The following AK5 variants were observed in gnomAD, a reference collection of about 807,000 sequenced individuals.
The protein encoded by AK5 is adenylate kinase 5.
A neutral mutation model predicts 69.5 loss-of-function variants in AK5; 27 were observed. That is an observed-to-expected ratio of 0.39 (90% CI 0.29 to 0.54). The LOEUF is 0.54. Ranked by LOEUF, AK5 falls within the 20% of genes least tolerant of loss-of-function variation. The pLI is 0.71. For synonymous variants in AK5, 260 were observed against 244.4 expected (o/e 1.06, Z -0.60); for missense variants, 531 against 700.4 (o/e 0.76, Z 2.73).
At chr1:77,558,497 A>T in intron 13 of AK5, 105 bp from the exon 14 acceptor site, 1 of 665,832 alleles carries the variant, frequency 1.5e-6, no homozygotes. Flanking sequence ...CTTGTGTTTT[A>T]AAATTTTGCA....
chr1:77,395,945 C>A (rs1648802563), intron 6 of AK5, among the ~76,000 whole-genome samples: 1 of 152,174 alleles, frequency 6.6e-6, no homozygotes, highest in Admixed American at 6.5e-5. Flanking sequence ...TCTATCAATA[C>A]CATTCTTACT....
At chr1:77,300,219 C>A (rs1048340538) in intron 5 of AK5, among the ~76,000 whole-genome samples, 4 of 152,184 alleles carry the variant, frequency 2.6e-5, no homozygotes, top group African/African-American at 9.7e-5. Context: ...TCTTATATAG[C>A]CTAGTCACGG....
intron 5 of AK5, among the ~76,000 whole-genome samples, chr1:77,324,020 G>C (rs1237415159): frequency 6.6e-6 from 1 of 152,202 alleles, no homozygotes; most frequent in Non-Finnish European, 1.5e-5. Flanking sequence ...AGCTGCTGCT[G>C]CTGCTGCAGC....
chr1:77,481,515 C>T (rs1208771663), intron 8 of AK5, among the ~76,000 whole-genome samples: 2 of 152,172 alleles, frequency 1.3e-5, no homozygotes, highest in African/African-American at 4.8e-5. Context: ...AGAAGATGAG[C>T]AGTAAAATTT....
At chr1:77,477,441 TCTG>T (rs1405944116) in intron 8 of AK5, among the ~76,000 whole-genome samples, 2 of 152,272 alleles carry the variant, frequency 1.3e-5, no homozygotes, top group Non-Finnish European at 2.9e-5. Context: ...TCCCCACCAC[TCTG>T]CTATTACTTC....
intron 8 of AK5, among the ~76,000 whole-genome samples, chr1:77,473,560 A>G (rs943561369): frequency 1.3e-5 from 2 of 152,292 alleles, no homozygotes; most frequent in East Asian, 3.9e-4. Context: ...CTAATTGCCT[A>G]TGCACTGATA....
At chr1:77,481,067 T>C (rs927148946) in intron 8 of AK5, among the ~76,000 whole-genome samples, 2 of 152,180 alleles carry the variant, frequency 1.3e-5, no homozygotes, top group African/African-American at 2.4e-5. Flanking sequence ...AGCCAGACTG[T>C]AGTGGGCCCT....
At chr1:77,555,010 G>A (rs1660028205) in intron 13 of AK5, among the ~76,000 whole-genome samples, 1 of 152,044 alleles carries the variant, frequency 6.6e-6, no homozygotes, top group Admixed American at 6.5e-5. Flanking sequence ...ACTCTTACAT[G>A]GGCTGGGCAC....
At chr1:77,458,143 C>T (rs1653614414) in intron 8 of AK5, among the ~76,000 whole-genome samples, 1 of 150,812 alleles carries the variant, frequency 6.6e-6, no homozygotes, top group Non-Finnish European at 1.5e-5. Context: ...AAACAAATGT[C>T]AGGGGTGGTT....
At chr1:77,466,093 G>T (rs140745276) in intron 8 of AK5, among the ~76,000 whole-genome samples, 3 of 152,278 alleles carry the variant, frequency 2.0e-5, no homozygotes, top group African/African-American at 7.2e-5. Context: ...AGGCTCTGCT[G>T]GAGTCCTCTG....
intron 6 of AK5, among the ~76,000 whole-genome samples, chr1:77,388,288 A>G (rs1334192811): frequency 1.3e-5 from 2 of 152,230 alleles, no homozygotes; most frequent in Admixed American, 6.5e-5. Context: ...TGCATATTTT[A>G]TGATACAAGT....
intron 10 of AK5, among the ~76,000 whole-genome samples, chr1:77,503,292 C>T (rs185823666): frequency 7.2e-4 from 109 of 152,242 alleles, no homozygotes; most frequent in Non-Finnish European, 1.0e-4. Context: ...CGGGAATGTA[C>T]ATTTTTGCCT....
Position 77,419,895 on chromosome 1 carries a change from A to G in AK5, c.1059+2180A>G, listed in dbSNP as rs547629354. Among the ~76,000 whole-genome samples, 5 of 152,324 alleles carry G rather than the reference A, an allele frequency of 3.3e-5. No homozygotes were observed. The South Asian group carries it at 8.3e-4, about 25-fold the overall frequency. On this transcript the variant is annotated intron_variant, in intron 8 of 13. Coordinates refer to ENST00000354567, the MANE Select transcript of AK5 (RefSeq NM_174858.3). The stretch of plus-strand genomic sequence containing the variant: ...GTCCCAAGATGGAAGGAACATATCC[A>G]GTCCTGAGCAGGATTTTTTTTTAAT...
rs1457637606 is a variant in AK5 at position 77,496,692 on chromosome 1, C to G, written c.1147+10340C>G. The stretch of plus-strand genomic sequence containing the variant: ...GTGAGAGGTGAAGCCAGCTGGGCTT[C>G]TGGGTTGGGTGGGGACTTGGAGAAC... On this transcript the variant is annotated intron_variant, in intron 10 of 13. Coordinates refer to ENST00000354567, the MANE Select transcript of AK5 (RefSeq NM_174858.3). 2.0e-5 allele frequency among the ~76,000 whole-genome samples: 3 copies of G among 152,276 alleles called. No individual in the cohort carries two copies. The East Asian group carries it at 5.8e-4, about 29-fold the overall frequency.
chr1:77,374,198 A>C (rs932131320), intron 6 of AK5, among the ~76,000 whole-genome samples: 2 of 152,208 alleles, frequency 1.3e-5, no homozygotes, highest in African/African-American at 4.8e-5. Context: ...ACCATTCTCA[A>C]TACTGTCTCA....
intron 8 of AK5, among the ~76,000 whole-genome samples, chr1:77,474,425 A>C (rs1654716525): frequency 6.6e-6 from 1 of 152,200 alleles, no homozygotes; most frequent in Non-Finnish European, 1.5e-5. Context: ...CTTACCCTCT[A>C]GAGCCTTGGG....
At chr1:77,459,165 G>A (rs929271792) in intron 8 of AK5, among the ~76,000 whole-genome samples, 8 of 152,112 alleles carry the variant, frequency 5.3e-5, no homozygotes, top group Admixed American at 3.3e-4. Context: ...ACTTTTCTCC[G>A]AAGGACTCAG....
chr1:77,284,180 C>T (rs1658219826), intron 1 of AK5, among the ~76,000 whole-genome samples: 2 of 152,314 alleles, frequency 1.3e-5, no homozygotes, highest in South Asian at 4.1e-4. Flanking sequence ...AAGTAGACTG[C>T]TGGTGACCTC....
chr1:77,531,312 ACCC>A (rs992592471), intron 12 of AK5, among the ~76,000 whole-genome samples: 1 of 152,034 alleles, frequency 6.6e-6, no homozygotes, highest in Non-Finnish European at 1.5e-5. Context: ...GTGGACGGGG[ACCC>A]CAGCGGGTTG....
Sources: allele counts gnomAD v4.1 joint callset (sites outside exome capture counted in the v4.1 genomes callset), GRCh38; gene constraint gnomAD v4.1.1; transcripts MANE v1.5; gene names NCBI Gene and HGNC (gene_info 2026-07-23, HGNC 2026-07-21).